OR10A3: variants seen among roughly 807,000 people sequenced by gnomAD.
OR10A3 encodes the protein olfactory receptor family 10 subfamily A member 3, also known as olfactory receptor 10A3.
A neutral mutation model predicts 1.5 loss-of-function variants in OR10A3; 1 was observed. The ratio of observed to expected loss-of-function variants is 0.66; its 90% CI spans 0.23 to 3.11. The LOEUF is 3.11. Among genes scored for constraint, OR10A3 ranks in the 30% most tolerant of loss-of-function variants. The pLI, the probability that OR10A3 is intolerant of heterozygous loss-of-function variation, is 0.21. For synonymous variants in OR10A3, 145 were observed against 143.7 expected, an observed-to-expected ratio of 1.01 and a Z score of -0.06; for missense variants, 398 against 369.7, an observed-to-expected ratio of 1.08 and a Z score of -0.63.
chr11:7,939,237 A>G lies in OR10A3; in HGVS notation c.284T>C (p.Val95Ala). The change falls in exon 2 of 2, where the codon GTG (valine) becomes GCG (alanine). Residue 95 changes from valine (V) to alanine (A), a missense_variant. Transcript: ENST00000642047. Reference protein sequence around the residue: ...LSTEKTMISFVGCFAQMYFIL... With the variant: ...LSTEKTMISFAGCFAQMYFIL... ...GAAATACATCTGTGCAAAACAGCCC[A>G]CAAAAGAAATCATAGTTTTCTCAGT... is the stretch of plus-strand genomic sequence containing the variant. 1.2e-6 allele frequency: 2 copies of G among 1,614,262 alleles called. No individual in the cohort carries two copies. Among genetic ancestry groups the G allele is most frequent in the Non-Finnish European group, 1.7e-6 (2 of 1,180,044 alleles).
rs764988117 is a variant in OR10A3 at position 7,939,450 on chromosome 11, T to G, written c.71A>C (p.Gln24Pro). The change falls in exon 2 of 2, where the codon CAG (glutamine) becomes CCG (proline). Residue 24 changes from glutamine to proline, a missense_variant. Coordinates refer to ENST00000642047, the MANE Select transcript of OR10A3 (RefSeq NM_001003745.2). ...TAGGAAAACCCCAAAGAGCTGCACCTGGAGCTCAGGAAAGTTAGAAAAGCC... is the reference window on the plus strand; with the variant it reads ...TAGGAAAACCCCAAAGAGCTGCACCGGGAGCTCAGGAAAGTTAGAAAAGCC... ...LLGFSNFPELQVQLFGVFLVI... is the reference protein window; with the variant it reads ...LLGFSNFPELPVQLFGVFLVI... 6.2e-7 allele frequency: 1 copy of G among 1,602,432 alleles called. No individual in the cohort carries two copies. The highest frequency in any genetic ancestry group is 8.5e-7 in the Non-Finnish European group (1 of 1,177,228).
In OR10A3 at chr11:7,937,862, A is replaced by C. The variant is rs1941377466; in HGVS notation, c.*714T>G. 6.6e-6 allele frequency: 1 copy of C among 152,232 alleles called. No individual in the cohort carries two copies. The highest frequency in any genetic ancestry group is 2.1e-4 in the South Asian group (1 of 4,834). 9.4% of individuals were successfully genotyped at this position (152,232 alleles called of 1,614,324 possible). ...TCTGAAGAACTATAATCATTTTGAAAAGTAATTCTGCAATAGCTAATAAAA... is the reference window on the plus strand; with the variant it reads ...TCTGAAGAACTATAATCATTTTGAACAGTAATTCTGCAATAGCTAATAAAA... On this transcript the variant is annotated 3_prime_UTR_variant, in exon 2 of 2. Coordinates refer to ENST00000642047, the MANE Select transcript of OR10A3 (RefSeq NM_001003745.2).
chr11:7,939,265 A>G lies in OR10A3; in HGVS notation c.256T>C (p.Ser86Pro), dbSNP rs766680748. The G allele has an allele frequency of 1.9e-5, 31 of 1,614,100 alleles. 1 individual carries two copies. In the South Asian group the frequency reaches 3.1e-4, roughly 16 times the overall value. The change falls in exon 2 of 2, where the codon TCT becomes CCT. Residue 86 changes from serine to proline, a missense_variant. Coordinates refer to ENST00000642047, the MANE Select transcript of OR10A3 (RefSeq NM_001003745.2). ...VITPEMLVVL[S>P]TEKTMISFVG... The stretch of plus-strand genomic sequence containing the variant: ...AAAGAAATCATAGTTTTCTCAGTAG[A>G]GAGCACCACCAGCATTTCAGGCGTA...
chr11:7,937,528 A>T lies in OR10A3; in HGVS notation c.*1048T>A, dbSNP rs1002570323. On this transcript the variant is annotated 3_prime_UTR_variant, in exon 2 of 2. Transcript: ENST00000642047. ...AAAGGAAACTTCATAAAAGTTTCTA[A>T]ATCAGTGGTCTGTAAATGAAAAAGA... 6.6e-6 allele frequency: 1 copy of T among 152,242 alleles called. No homozygotes were observed. Among genetic ancestry groups the T allele is most frequent in the Admixed American group, 6.5e-5 (1 of 15,292 alleles). The allele number at this position is 152,242 out of a possible 1,614,324, so 9.4% of individuals were successfully genotyped here.
chr11:7,939,204 AGAAGGAT>A lies in OR10A3; in HGVS notation c.310_316del (p.Ile104PhefsTer25). The A allele has an allele frequency of 6.2e-7, 1 of 1,614,228 alleles. No homozygotes were observed. Among genetic ancestry groups the A allele is most frequent in the East Asian group, 2.2e-5 (1 of 44,882 alleles). On this transcript the variant is annotated frameshift_variant, in exon 2 of 2. Coordinates refer to ENST00000642047, the MANE Select transcript of OR10A3 (RefSeq NM_001003745.2). LOFTEE classifies it high-confidence loss of function. ...GAGAAAACATTCAGTCCCACCAAAA[AGAAGGAT>A]GAAATACATCTGTGCAAAACAGCCC... is the stretch of plus-strand genomic sequence containing the variant.
At position 7,938,544 on chromosome 11, in the gene OR10A3, G is replaced by A; in HGVS notation, c.*32C>T. ...AATTTAAATAGAGTTCACTCAGGCA[G>A]TGGCCAAATCTTACTCAGCTTCTCA... On this transcript the variant is annotated 3_prime_UTR_variant, in exon 2 of 2. Coordinates refer to ENST00000642047, the MANE Select transcript of OR10A3 (RefSeq NM_001003745.2). 1 of 1,516,636 alleles carries A rather than the reference G, an allele frequency of 6.6e-7. No homozygotes were observed. The highest frequency in any genetic ancestry group is 1.3e-5 in the South Asian group (1 of 79,872). 93.9% of individuals were successfully genotyped at this position (1,516,636 alleles called of 1,614,324 possible).
In OR10A3 at chr11:7,938,350, T is replaced by C. The variant is rs988924139; in HGVS notation, c.*226A>G. 6.5e-6 allele frequency: 3 copies of C among 458,436 alleles called. No homozygotes were observed. The highest frequency in any genetic ancestry group is 4.0e-5 in the African/African-American group (2 of 49,536). The allele number at this position is 458,436 out of a possible 1,614,324, so 28.4% of individuals were successfully genotyped here. A position where few individuals can be genotyped will look rare whatever the true frequency, so the allele number is the denominator to read the frequency against. On this transcript the variant is annotated 3_prime_UTR_variant, in exon 2 of 2. Coordinates refer to ENST00000642047, the MANE Select transcript of OR10A3 (RefSeq NM_001003745.2). ...CAGTAATCCAGTAGCTACTTGGATGTTCATAATAGAGAAATGGATGAATAA... is the reference window on the plus strand; with the variant it reads ...CAGTAATCCAGTAGCTACTTGGATGCTCATAATAGAGAAATGGATGAATAA...
In OR10A3 at chr11:7,939,279, A is replaced by C; in HGVS notation, c.242T>G (p.Met81Arg). Residue 81 changes from methionine to arginine, a missense_variant, in exon 2 of 2, where the codon ATG becomes AGG. Physicochemically the swap from Met to Arg is moderately conservative, Grantham distance 91 (BLOSUM62 -1). Transcript: ENST00000642047. ...VSFSAVITPE[M>R]LVVLSTEKTM... ...TTTCTCAGTAGAGAGCACCACCAGC[A>C]TTTCAGGCGTAATGACTGCACTGAA... 1 of 1,614,192 alleles carries C rather than the reference A, an allele frequency of 6.2e-7. No individual in the cohort carries two copies.
At position 7,937,775 on chromosome 11, in the gene OR10A3, C is replaced by T. The variant is rs1044075982; in HGVS notation, c.*801G>A. The T allele has an allele frequency of 1.3e-5, 2 of 152,118 alleles. No homozygotes were observed. The highest frequency in any genetic ancestry group is 2.4e-5 in the African/African-American group (1 of 41,424). 9.4% of individuals were successfully genotyped at this position (152,118 alleles called of 1,614,324 possible). A position where few individuals can be genotyped will look rare whatever the true frequency, so the allele number is the denominator to read the frequency against. On this transcript the variant is annotated 3_prime_UTR_variant, in exon 2 of 2. Transcript: ENST00000642047. The stretch of plus-strand genomic sequence containing the variant: ...AATCCAAAAATAGAAACATCATCAC[C>T]TTATTTGTTGGTCTCTTGAAGCTCT...
At position 7,938,447 on chromosome 11, in the gene OR10A3, G is replaced by A. The variant is rs1433456552; in HGVS notation, c.*129C>T. Reference sequence around the variant, plus strand: ...TGACAGCAGTTCTTTATTGAGATACGTTTTCCAATAAAAAAACTCAACAAA... The same window carrying A: ...TGACAGCAGTTCTTTATTGAGATACATTTTCCAATAAAAAAACTCAACAAA... On this transcript the variant is annotated 3_prime_UTR_variant, in exon 2 of 2. Coordinates refer to ENST00000642047, the MANE Select transcript of OR10A3 (RefSeq NM_001003745.2). The A allele has an allele frequency of 1.5e-6, 1 of 680,586 alleles. No homozygotes were observed. Among genetic ancestry groups the A allele is most frequent in the Middle Eastern group, 3.3e-4 (1 of 3,042 alleles). 42.2% of individuals were successfully genotyped at this position (680,586 alleles called of 1,614,324 possible). A position where few individuals can be genotyped will look rare whatever the true frequency, so the allele number is the denominator to read the frequency against.
chr11:7,939,146 T>G lies in OR10A3; in HGVS notation c.375A>C (p.Ala125=). Residue 125 remains alanine (A), a synonymous_variant, in exon 2 of 2, where the codon GCA becomes GCC. Transcript: ENST00000642047. ...LGAMAYDRFA[A]ICHPLNYPVI... ...CTGGGTAGTTCAGAGGATGGCAAAT[T>G]GCAGCAAATCGGTCATAAGCCATCG... is the stretch of plus-strand genomic sequence containing the variant. 1 of 1,614,158 alleles carries G rather than the reference T, an allele frequency of 6.2e-7. No individual in the cohort carries two copies. Among genetic ancestry groups the G allele is most frequent in the South Asian group, 1.1e-5 (1 of 91,080 alleles).
At position 7,938,717 on chromosome 11, in the gene OR10A3, G is replaced by A. The variant is rs904580582; in HGVS notation, c.804C>T (p.Pro268=). 1.4e-5 allele frequency: 22 copies of A among 1,614,068 alleles called. No individual in the cohort carries two copies. Among genetic ancestry groups the A allele is most frequent in the East Asian group, 4.5e-5 (2 of 44,888 alleles). ...CCAATGAGATCAGTTTCTTGGTTTC[G>A]GGTGAGTAGCCAGATTTGGGTTGTA... The part of the protein sequence containing the change: ...TYLQPKSGYS[P]ETKKLISLAY... Residue 268 remains proline, a synonymous_variant, in exon 2 of 2, where the codon CCC becomes CCT. Coordinates refer to ENST00000642047, the MANE Select transcript of OR10A3 (RefSeq NM_001003745.2).
chr11:7,940,409 G>T (rs894464346), intron 1 of OR10A3, among the ~76,000 whole-genome samples: 1 of 151,886 alleles, frequency 6.6e-6, no homozygotes, highest in Non-Finnish European at 1.5e-5. Context: ...TTAAAATCTG[G>T]AGTCCTCCTG....
chr11:7,938,444 T>G lies in OR10A3; in HGVS notation c.*132A>C. 1.5e-6 allele frequency: 1 copy of G among 660,802 alleles called. No homozygotes were observed. Among genetic ancestry groups the G allele is most frequent in the Non-Finnish European group, 2.5e-6 (1 of 393,616 alleles). 40.9% of individuals were successfully genotyped at this position (660,802 alleles called of 1,614,324 possible). A position where few individuals can be genotyped will look rare whatever the true frequency, so the allele number is the denominator to read the frequency against. On this transcript the variant is annotated 3_prime_UTR_variant, in exon 2 of 2. Transcript: ENST00000642047. ...AAGTGACAGCAGTTCTTTATTGAGA[T>G]ACGTTTTCCAATAAAAAAACTCAAC...
chr11:7,940,250 G>A (rs11041680), intron 1 of OR10A3, among the ~76,000 whole-genome samples: 49,770 of 152,020 alleles, frequency 0.33, 8,452 homozygotes, highest in Admixed American at 0.39. Flanking sequence ...GGGCCTGCCA[G>A]TCCCATGCGG....
rs1480564665 is a variant in OR10A3, at chr11:7,937,796, G to A, written c.*780C>T. 1 of 152,168 alleles carries A rather than the reference G, an allele frequency of 6.6e-6. No individual in the cohort carries two copies. The highest frequency in any genetic ancestry group is 1.9e-4 in the East Asian group (1 of 5,196). The allele number at this position is 152,168 out of a possible 1,614,324, so 9.4% of individuals were successfully genotyped here. A position where few individuals can be genotyped will look rare whatever the true frequency, so the allele number is the denominator to read the frequency against. ...TCACCTTATTTGTTGGTCTCTTGAA[G>A]CTCTACCCTGTTACCAAAGCACAGT... On this transcript the variant is annotated 3_prime_UTR_variant, in exon 2 of 2. Coordinates refer to ENST00000642047, the MANE Select transcript of OR10A3 (RefSeq NM_001003745.2).
At position 7,939,524 on chromosome 11, in the gene OR10A3, A is replaced by G. The variant is rs1941410070; in HGVS notation, c.-4T>C. The G allele has an allele frequency of 6.5e-7, 1 of 1,548,822 alleles. No homozygotes were observed. The highest frequency in any genetic ancestry group is 8.7e-7 in the Non-Finnish European group (1 of 1,154,488). ...AGCTTTGATTTTGTCTTTTCATTTCAGTAGTTGAAACTTATATTGTTTTTA... is the reference window on the plus strand; with the variant it reads ...AGCTTTGATTTTGTCTTTTCATTTCGGTAGTTGAAACTTATATTGTTTTTA... On this transcript the variant is annotated 5_prime_UTR_variant, in exon 2 of 2. Transcript: ENST00000642047.
At position 7,939,457 on chromosome 11, in the gene OR10A3, C is replaced by G. The variant is rs1941408294; in HGVS notation, c.64G>C (p.Glu22Gln). 6.3e-7 allele frequency: 1 copy of G among 1,596,506 alleles called. No homozygotes were observed. The highest frequency in any genetic ancestry group is 8.5e-7 in the Non-Finnish European group (1 of 1,175,646). Residue 22 changes from glutamate to glutamine, a missense_variant, in exon 2 of 2, where the codon GAG becomes CAG. Glu to Gln is a conservative substitution (Grantham distance 29). Transcript: ENST00000642047. ...ACCCCAAAGAGCTGCACCTGGAGCTCAGGAAAGTTAGAAAAGCCCAGGAGG... is the reference window on the plus strand; with the variant it reads ...ACCCCAAAGAGCTGCACCTGGAGCTGAGGAAAGTTAGAAAAGCCCAGGAGG... ...FILLGFSNFP[E>Q]LQVQLFGVFL...
At chr11:7,939,864 A>C (rs1185490618) in intron 1 of OR10A3, among the ~76,000 whole-genome samples, 166 bp from the exon 2 acceptor site, 1 of 152,186 alleles carries the variant, frequency 6.6e-6, no homozygotes, top group Non-Finnish European at 1.5e-5. Context: ...TTTCTTTCCA[A>C]AAAGTGAAGC....
Sources: allele counts gnomAD v4.1 joint callset (sites outside exome capture counted in the v4.1 genomes callset), GRCh38; gene constraint gnomAD v4.1.1; transcripts MANE v1.5; gene names NCBI Gene and HGNC (gene_info 2026-07-23, HGNC 2026-07-21).